SLC16A10: variants seen among roughly 807,000 people sequenced by gnomAD.
SLC16A10 encodes monocarboxylate transporter 10.
In SLC16A10, 27 loss-of-function variants were observed where a neutral mutation model predicts 40.0. The observed-to-expected ratio is 0.67, with a 90% CI of 0.50 to 0.93. The LOEUF is 0.93. Ranked by LOEUF, SLC16A10 falls within the 40% of genes least tolerant of loss-of-function variation. The pLI is 0.00. For synonymous variants in SLC16A10, 213 were observed against 249.8 expected (o/e 0.85, Z 1.39); for missense variants, 529 against 658.2 (o/e 0.80, Z 2.15).
chr6:111,212,809 A>T (rs1452241036), intron 4 of SLC16A10, among the ~76,000 whole-genome samples: 2 of 17,390 alleles, frequency 1.2e-4, no homozygotes, highest in Admixed American at 8.7e-4. Flanking sequence ...ATAAAAAAAT[A>T]AAAAAAAATG....
chr6:111,165,057 A>G (rs1263690480), intron 1 of SLC16A10, among the ~76,000 whole-genome samples: 1 of 152,238 alleles, frequency 6.6e-6, no homozygotes, highest in African/African-American at 2.4e-5. Flanking sequence ...ATAACTACAC[A>G]GACAGAGGAT....
At chr6:111,091,242 T>C (rs1373112491) in intron 1 of SLC16A10, 1 of 152,232 alleles carries the variant, frequency 6.6e-6, no homozygotes, top group Admixed American at 6.5e-5. Context: ...TGAATTTGCA[T>C]GTCATCCTTG....
chr6:111,228,702 T>C lies in SLC16A10; in HGVS notation c.*6467T>C, dbSNP rs550150667. On this transcript the variant is annotated 3_prime_UTR_variant, in exon 6 of 6. Coordinates refer to ENST00000368851, the MANE Select transcript of SLC16A10 (RefSeq NM_018593.5). ...AGTATCTTTCATAATTCAGTCTATA[T>C]TGAAATGTTATTTCAGGAATGGAGG... is the stretch of plus-strand genomic sequence containing the variant. The C allele has an allele frequency of 4.1e-4, 62 of 152,336 alleles. No homozygotes were observed. The highest frequency in any genetic ancestry group is 1.5e-3 in the African/African-American group (61 of 41,568). The allele number at this position is 152,336 out of a possible 1,614,324, so 9.4% of individuals were successfully genotyped here.
rs73765926 is a variant in SLC16A10, at chr6:111,149,900, G to A, written c.344-22795G>A. 9.2e-3 allele frequency among the ~76,000 whole-genome samples: 1,399 copies of A among 152,234 alleles called. 20 individuals carry two copies. Among genetic ancestry groups the A allele is most frequent in the African/African-American group, 0.032 (1,335 of 41,526 alleles). ...GTATAGTATAGTGGCTTAAGAGTGA[G>A]GGTGCTCACCTCAAATTCCAGCCTC... On this transcript the variant is annotated intron_variant, in intron 1 of 5. Coordinates refer to ENST00000368851, the MANE Select transcript of SLC16A10 (RefSeq NM_018593.5).
rs374819560 is a variant in SLC16A10 at position 111,163,875 on chromosome 6, A to G, written c.344-8820A>G. On this transcript the variant is annotated intron_variant, in intron 1 of 5. Coordinates refer to ENST00000368851, the MANE Select transcript of SLC16A10 (RefSeq NM_018593.5). The stretch of plus-strand genomic sequence containing the variant: ...GTGAAGACAGCTTTCCAAACAAACA[A>G]TCCATCTCTGGTCTCTCCCACACCC... 4.6e-5 allele frequency among the ~76,000 whole-genome samples: 7 copies of G among 152,358 alleles called. No homozygotes were observed. In the South Asian group the frequency reaches 6.2e-4, roughly 14 times the overall value.
intron 1 of SLC16A10, among the ~76,000 whole-genome samples, chr6:111,094,326 G>A (rs922603926): frequency 2.0e-5 from 3 of 152,068 alleles, no homozygotes; most frequent in Non-Finnish European, 4.4e-5. Context: ...TTCCATTTGG[G>A]TACACAGGTA....
Position 111,141,382 on chromosome 6 carries a change from G to A in SLC16A10, c.344-31313G>A, listed in dbSNP as rs1771979342. Among the ~76,000 whole-genome samples the A allele has an allele frequency of 2.0e-5, 3 of 152,308 alleles. No homozygotes were observed. The South Asian group carries it at 6.2e-4, about 32-fold the overall frequency. On this transcript the variant is annotated intron_variant, in intron 1 of 5. Transcript: ENST00000368851. ...AATTTAAATTTAAAATGCAATACCA[G>A]CTGGGTGCGATGCCTCACGCCTGTA...
rs555749517 is a variant in SLC16A10, at chr6:111,109,536, C to T, written c.343+21441C>T. On this transcript the variant is annotated intron_variant, in intron 1 of 5. Transcript: ENST00000368851. Reference sequence around the variant, plus strand: ...GTGGTGTGATCATGGCTCACTGCAGCCTTGACTTCCCAGACTGAGGTGATC... The same window carrying T: ...GTGGTGTGATCATGGCTCACTGCAGTCTTGACTTCCCAGACTGAGGTGATC... Among the ~76,000 whole-genome samples the T allele has an allele frequency of 1.5e-4, 23 of 151,060 alleles. No homozygotes were observed. The East Asian group carries it at 4.1e-3, about 27-fold the overall frequency.
intron 3 of SLC16A10, among the ~76,000 whole-genome samples, chr6:111,185,893 T>C (rs930040898): frequency 7.4e-5 from 11 of 149,108 alleles, no homozygotes; most frequent in African/African-American, 2.8e-4. Context: ...TGTGTAAATT[T>C]CACCAGTGGG....
In SLC16A10 at chr6:111,223,017, G is replaced by T. The variant is rs534538314; in HGVS notation, c.*782G>T. ...ATAAAGTAAAATAGAATGCATGAAA[G>T]ATATTCTGGCGATTGTAACTTAGAA... On this transcript the variant is annotated 3_prime_UTR_variant, in exon 6 of 6. Coordinates refer to ENST00000368851, the MANE Select transcript of SLC16A10 (RefSeq NM_018593.5). The T allele has an allele frequency of 6.6e-6, 1 of 152,284 alleles. No homozygotes were observed. The highest frequency in any genetic ancestry group is 1.9e-4 in the East Asian group (1 of 5,190). The allele number at this position is 152,284 out of a possible 1,614,324, so 9.4% of individuals were successfully genotyped here.
chr6:111,228,594 C>T lies in SLC16A10; in HGVS notation c.*6359C>T, dbSNP rs1296751529. 4 of 151,956 alleles carry T rather than the reference C, an allele frequency of 2.6e-5. No homozygotes were observed. Among genetic ancestry groups the T allele is most frequent in the Non-Finnish European group, 2.9e-5 (2 of 68,012 alleles). 9.4% of individuals were successfully genotyped at this position (151,956 alleles called of 1,614,324 possible). On this transcript the variant is annotated 3_prime_UTR_variant, in exon 6 of 6. Coordinates refer to ENST00000368851, the MANE Select transcript of SLC16A10 (RefSeq NM_018593.5). The stretch of plus-strand genomic sequence containing the variant: ...TCTTTACTAGATATTTTTCAGTATC[C>T]GTCATTAGAAGAGTCAGTTTGTTAA...
At chr6:111,167,621 G>GTTTT (rs149896252) in intron 1 of SLC16A10, among the ~76,000 whole-genome samples, 3 of 149,478 alleles carry the variant, frequency 2.0e-5, no homozygotes, top group Non-Finnish European at 4.5e-5. Context: ...GGGCTCGATT[G>GTTTT]TTATTTATTT....
At chr6:111,215,699 T>C (rs1583367662) in intron 4 of SLC16A10, among the ~76,000 whole-genome samples, 1 of 152,300 alleles carries the variant, frequency 6.6e-6, no homozygotes, top group African/African-American at 2.4e-5. Flanking sequence ...AGAATAAAAA[T>C]GTTTCTATTG....
chr6:111,183,092 A>G (rs1407696236), intron 3 of SLC16A10, among the ~76,000 whole-genome samples: 1 of 152,132 alleles, frequency 6.6e-6, no homozygotes, highest in Non-Finnish European at 1.5e-5. Context: ...CCATTTCCCT[A>G]AGAGTAAAAA....
chr6:111,142,996 T>C (rs2114505128), intron 1 of SLC16A10, among the ~76,000 whole-genome samples: 1 of 152,328 alleles, frequency 6.6e-6, no homozygotes, highest in Non-Finnish European at 1.5e-5. Flanking sequence ...AATGAATAAA[T>C]AAACTGTAGC....
At chr6:111,089,341 A>C (rs936660385) in intron 1 of SLC16A10, among the ~76,000 whole-genome samples, 1 of 152,192 alleles carries the variant, frequency 6.6e-6, no homozygotes, top group Non-Finnish European at 1.5e-5. Context: ...CCTCAGTGTG[A>C]ACTGATAACT....
intron 1 of SLC16A10, among the ~76,000 whole-genome samples, chr6:111,150,456 A>G (rs1345331340): frequency 6.6e-6 from 1 of 152,244 alleles, no homozygotes; most frequent in Non-Finnish European, 1.5e-5. Flanking sequence ...TAAATCCCAG[A>G]TATCGATATC....
chr6:111,206,648 G>A lies in SLC16A10; in HGVS notation c.999G>A (p.Met333Ile). Reference protein sequence around the residue: ...QDEKNKEVVLMCIGVTSGVGR... With the variant: ...QDEKNKEVVLICIGVTSGVGR... ...AAAAAAATAAAGAGGTTGTTCTCAT[G>A]TGCATTGGCGTCACTTCAGGAGTTG... Residue 333 changes from methionine (M) to isoleucine (I), a missense_variant, in exon 4 of 6, where the codon ATG (methionine) becomes ATA (isoleucine). Transcript: ENST00000368851. 2 of 1,614,146 alleles carry A rather than the reference G, an allele frequency of 1.2e-6. No homozygotes were observed. Among genetic ancestry groups the A allele is most frequent in the Non-Finnish European group, 1.7e-6 (2 of 1,180,022 alleles).
chr6:111,150,199 G>A (rs1772148594), intron 1 of SLC16A10, among the ~76,000 whole-genome samples: 1 of 152,200 alleles, frequency 6.6e-6, no homozygotes, highest in South Asian at 2.1e-4. Context: ...ATAAAAGGAA[G>A]TGTTTGACCC....
Sources: allele counts gnomAD v4.1 joint callset (sites outside exome capture counted in the v4.1 genomes callset), GRCh38; gene constraint gnomAD v4.1.1; transcripts MANE v1.5; gene names NCBI Gene and HGNC (gene_info 2026-07-23, HGNC 2026-07-21).